TSPEAR: variants seen among roughly 807,000 people sequenced by gnomAD.
The protein encoded by TSPEAR is thrombospondin type laminin G domain and EAR repeats, also known as thrombospondin-type laminin G domain and EAR repeat-containing protein.
In TSPEAR, 69 loss-of-function variants were observed where a neutral mutation model predicts 71.6. That is an observed-to-expected ratio of 0.96 (90% CI 0.79 to 1.18). The LOEUF (loss-of-function observed/expected upper bound fraction) is 1.18. TSPEAR is among the 50% of genes most tolerant of loss of function. The pLI is 0.00. For missense variants in TSPEAR, 971 were observed against 894.9 expected (o/e 1.09, Z -1.09); for synonymous variants, 402 against 387.2 (o/e 1.04, Z -0.45).
intron 10 of TSPEAR, chr21:44,508,103 GC>G (rs1441986946): frequency 6.6e-6 from 1 of 152,270 alleles, no homozygotes; most frequent in African/African-American, 2.4e-5. Flanking sequence ...TACCCCTGCA[GC>G]CCTCCCGGTC....
Position 44,555,106 on chromosome 21 carries a change from A to G in TSPEAR, c.303+12679T>C, listed in dbSNP as rs145987795. ...AAAAACAAACCGTGGTGGATATCCT[A>G]AAGACGGAAAAGCAACCGAAACAGG... On this transcript the variant is annotated intron_variant, in intron 2 of 11. Coordinates refer to ENST00000323084, the MANE Select transcript of TSPEAR (RefSeq NM_144991.3). Among the ~76,000 whole-genome samples, 883 of 152,354 alleles carry G rather than the reference A, an allele frequency of 5.8e-3. 11 individuals are homozygous for G. The highest frequency in any genetic ancestry group is 0.02 in the African/African-American group (848 of 41,584).
chr21:44,648,311 T>G (rs1457529590), intron 1 of TSPEAR, among the ~76,000 whole-genome samples: 6 of 151,894 alleles, frequency 4.0e-5, no homozygotes, highest in African/African-American at 1.5e-4. Context: ...GTGAGACCAG[T>G]CAGGTCAGCA....
intron 10 of TSPEAR, among the ~76,000 whole-genome samples, chr21:44,507,731 T>C (rs1364227389): frequency 5.3e-5 from 8 of 152,268 alleles, no homozygotes; most frequent in African/African-American, 1.7e-4. Flanking sequence ...TTCTCCAACT[T>C]GTCTTATTCT....
At chr21:44,610,058 C>T (rs1981556710) in intron 1 of TSPEAR, among the ~76,000 whole-genome samples, 2 of 151,968 alleles carry the variant, frequency 1.3e-5, no homozygotes, top group Admixed American at 1.3e-4. Flanking sequence ...GGGATGCATG[C>T]CAGAGAGAGG....
chr21:44,558,533 G>C lies in TSPEAR; in HGVS notation c.303+9252C>G, dbSNP rs199618499. ...CTGACTGGCAGGGGCTGGGCTCACA[G>C]GCCGCCTGGCAGCAGGGGCTGGACA... On this transcript the variant is annotated intron_variant, in intron 2 of 11. Coordinates refer to ENST00000323084, the MANE Select transcript of TSPEAR (RefSeq NM_144991.3). The C allele has an allele frequency of 1.9e-5, 30 of 1,613,500 alleles. No homozygotes were observed. The African/African-American group carries it at 4.0e-4, about 22-fold the overall frequency.
chr21:44,592,590 C>T (rs1333724029), intron 1 of TSPEAR: 3 of 1,499,894 alleles, frequency 2.0e-6, no homozygotes, highest in Non-Finnish European at 2.7e-6. Context: ...ACAGCTTCCC[C>T]TTCCGTGTTG....
At chr21:44,689,959 G>A (rs892744199) in intron 1 of TSPEAR, among the ~76,000 whole-genome samples, 3 of 151,560 alleles carry the variant, frequency 2.0e-5, no homozygotes, top group Non-Finnish European at 4.4e-5. Flanking sequence ...CTTTATATTC[G>A]CTGGCAGCTG....
chr21:44,599,077 C>A (rs2146141394), intron 1 of TSPEAR, among the ~76,000 whole-genome samples: 1 of 147,238 alleles, frequency 6.8e-6, no homozygotes, highest in African/African-American at 2.5e-5. Context: ...TTGTTCTCAG[C>A]AGGAGTATAT....
rs1394516392 is a variant in TSPEAR at position 44,700,129 on chromosome 21, A to AT, written c.82+11303dup. Reference sequence around the variant, plus strand: ...ATGACAACAGAGATTCTTCTACAGAATTTTTTTTGGAAGAAAGCATGTTCT... The same window carrying AT: ...ATGACAACAGAGATTCTTCTACAGAATTTTTTTTTGGAAGAAAGCATGTTCT... On this transcript the variant is annotated intron_variant, in intron 1 of 11. Coordinates refer to ENST00000323084, the MANE Select transcript of TSPEAR (RefSeq NM_144991.3). Among the ~76,000 whole-genome samples, 427 of 152,228 alleles carry AT rather than the reference A, an allele frequency of 2.8e-3. 1 individual carries two copies. The highest frequency in any genetic ancestry group is 8.8e-3 in the African/African-American group (364 of 41,552).
intron 2 of TSPEAR, among the ~76,000 whole-genome samples, chr21:44,548,218 C>A (rs1216745994): frequency 6.6e-6 from 1 of 152,204 alleles, no homozygotes; most frequent in African/African-American, 2.4e-5. Context: ...AACAAGGTCC[C>A]CTCTGCTTCC....
At chr21:44,686,207 A>C (rs1298443068) in intron 1 of TSPEAR, among the ~76,000 whole-genome samples, 1 of 152,112 alleles carries the variant, frequency 6.6e-6, no homozygotes, top group African/African-American at 2.4e-5. Context: ...TTTCCAGGAA[A>C]CACATGGTCT....
In TSPEAR at chr21:44,710,926, T is replaced by C. The variant is rs1321173646; in HGVS notation, c.82+507A>G. ...AGAACCGAGCCCTTCACTCCAGAGGTGGTTGTGTTTGGGGCTGTGTCTGTG... is the reference window on the plus strand; with the variant it reads ...AGAACCGAGCCCTTCACTCCAGAGGCGGTTGTGTTTGGGGCTGTGTCTGTG... On this transcript the variant is annotated intron_variant, in intron 1 of 11. Coordinates refer to ENST00000323084, the MANE Select transcript of TSPEAR (RefSeq NM_144991.3). The surrounding 1 kb of genome is among the most constrained non-coding windows in gnomAD (Gnocchi z 4.6). 6.6e-6 allele frequency among the ~76,000 whole-genome samples: 1 copy of C among 151,668 alleles called. No individual in the cohort carries two copies. Among genetic ancestry groups the C allele is most frequent in the Non-Finnish European group, 1.5e-5 (1 of 67,926 alleles).
rs782484840 is a variant in TSPEAR, at chr21:44,627,920, GCTGTGCCCCCACCTCCTC to G, written c.83-59933_83-59916del. 3 of 1,519,892 alleles carry G rather than the reference GCTGTGCCCCCACCTCCTC, an allele frequency of 2.0e-6. No individual in the cohort carries two copies. In the East Asian group the frequency reaches 7.2e-5, roughly 37 times the overall value. 94.2% of individuals were successfully genotyped at this position (1,519,892 alleles called of 1,614,324 possible). A position where few individuals can be genotyped will look rare whatever the true frequency, so the allele number is the denominator to read the frequency against. On this transcript the variant is annotated intron_variant, in intron 1 of 11. Coordinates refer to ENST00000323084, the MANE Select transcript of TSPEAR (RefSeq NM_144991.3). Reference sequence around the variant, plus strand: ...GCCTGCTGCGTGCCCGTCTCCTCCTGCTGTGCCCCCACCTCCTCCCGCCAGCCCAGCTATTGCCGCCAG... The same window carrying G: ...GCCTGCTGCGTGCCCGTCTCCTCCTGCCGCCAGCCCAGCTATTGCCGCCAG...
chr21:44,579,657 T>C (rs1978740819), intron 1 of TSPEAR: 2 of 1,424,986 alleles, frequency 1.4e-6, no homozygotes, highest in Admixed American at 2.1e-5. Flanking sequence ...CCTCAGCACA[T>C]GGGGGCCCCG....
At chr21:44,652,066 G>T (rs1320248389) in intron 1 of TSPEAR, among the ~76,000 whole-genome samples, 2 of 150,424 alleles carry the variant, frequency 1.3e-5, no homozygotes, top group African/African-American at 4.9e-5. Flanking sequence ...TCACTGCAAG[G>T]TCCGCCTCCC....
intron 1 of TSPEAR, among the ~76,000 whole-genome samples, chr21:44,696,281 A>G (rs1482478400): frequency 2.0e-5 from 3 of 152,142 alleles, no homozygotes; most frequent in Non-Finnish European, 4.4e-5. Flanking sequence ...TTCTCACACA[A>G]TCTGGGTTTC....
intron 1 of TSPEAR, among the ~76,000 whole-genome samples, chr21:44,705,059 C>T (rs1987846008): frequency 6.6e-6 from 1 of 152,218 alleles, no homozygotes; most frequent in Non-Finnish European, 1.5e-5. Flanking sequence ...GAGAGACCGG[C>T]TGAAACCATG....
chr21:44,610,991 C>G (rs1981629803), intron 1 of TSPEAR, among the ~76,000 whole-genome samples: 2 of 152,140 alleles, frequency 1.3e-5, no homozygotes, highest in Non-Finnish European at 2.9e-5. Flanking sequence ...TTACCCAATA[C>G]CTGTACCCCT....
intron 1 of TSPEAR, among the ~76,000 whole-genome samples, chr21:44,572,572 A>G (rs460166): frequency 0.93 from 141,876 of 151,886 alleles, 66,424 homozygotes; most frequent in Non-Finnish European, 0.96. Context: ...CCAAGTCCAC[A>G]AGAAACACTT....
Sources: gnomAD v4.1 joint callset for allele counts (sites outside exome capture counted in the v4.1 genomes callset) on GRCh38, gnomAD v4.1.1 for gene constraint, Gnocchi (gnomAD v3.1) non-coding constraint, MANE v1.5 for transcripts, NCBI Gene and HGNC (gene_info 2026-07-23, HGNC 2026-07-21) for gene names.